Variants in RORA observed in about 807,000 individuals in gnomAD.
The protein encoded by RORA is nuclear receptor ROR-alpha.
Under a neutral mutation model 69.5 loss-of-function variants are expected in RORA, and 7 were observed. The observed-to-expected ratio is 0.10, with a 90% CI of 0.06 to 0.19. The LOEUF (loss-of-function observed/expected upper bound fraction) is 0.19, where lower values mean the gene tolerates loss of function less well. Among genes scored for constraint, RORA ranks in the 10% least tolerant of loss-of-function variants. The pLI is 1.00. For missense variants in RORA, 457 were observed against 663.0 expected, an observed-to-expected ratio of 0.69 and a Z score of 3.41; for synonymous variants, 261 against 240.8, an observed-to-expected ratio of 1.08 and a Z score of -0.78.
intron 1 of RORA, among the ~76,000 whole-genome samples, chr15:61,026,292 C>G (rs942430629): frequency 4.6e-5 from 7 of 152,300 alleles, no homozygotes; most frequent in Non-Finnish European, 4.4e-5. Context: ...AGCCCAACAG[C>G]GAACGAGTTC....
At chr15:60,690,466 C>G (rs2070806856) in intron 1 of RORA, among the ~76,000 whole-genome samples, 1 of 152,218 alleles carries the variant, frequency 6.6e-6, no homozygotes, top group Admixed American at 6.5e-5. Flanking sequence ...AGCACCCAGA[C>G]AGGACCTGTG....
intron 2 of RORA, among the ~76,000 whole-genome samples, chr15:60,579,909 GTTGTGT>G (rs879866973): frequency 4.4e-4 from 67 of 152,258 alleles, no homozygotes; most frequent in Admixed American, 9.8e-4. Context: ...TAGTAACACA[GTTGTGT>G]TTATTAGGTC....
chr15:60,809,964 C>T (rs2072719239), intron 1 of RORA, among the ~76,000 whole-genome samples: 1 of 152,122 alleles, frequency 6.6e-6, no homozygotes, highest in Non-Finnish European at 1.5e-5. Context: ...CTGACCTGCT[C>T]CAGTCTAGAT....
intron 2 of RORA, among the ~76,000 whole-genome samples, chr15:60,612,843 T>C (rs944473219): frequency 6.6e-6 from 1 of 152,160 alleles, no homozygotes; most frequent in African/African-American, 2.4e-5. Context: ...TCTGTGATTC[T>C]TGGGAAGGGT....
chr15:61,126,564 A>C (rs1480009126), intron 1 of RORA, among the ~76,000 whole-genome samples: 5 of 152,214 alleles, frequency 3.3e-5, no homozygotes, highest in African/African-American at 1.2e-4. Context: ...AGTATGAAAT[A>C]AGGAAACTAT....
intron 1 of RORA, among the ~76,000 whole-genome samples, chr15:60,825,349 C>T (rs1276041245): frequency 6.6e-6 from 1 of 152,128 alleles, no homozygotes; most frequent in African/African-American, 2.4e-5. Context: ...ATAGGCAGAG[C>T]AGTAGAAATG....
intron 1 of RORA, among the ~76,000 whole-genome samples, chr15:61,021,856 G>A (rs559012017): frequency 3.5e-4 from 54 of 152,288 alleles, no homozygotes; most frequent in Middle Eastern, 6.8e-3. Context: ...TAGCCTCCAG[G>A]AGAGTGCTTG....
chr15:60,591,984 CCCGGGTGCGGGCCCTGGGGA>C, intron 2 of RORA, among the ~76,000 whole-genome samples: 1 of 152,104 alleles, frequency 6.6e-6, no homozygotes, highest in South Asian at 2.1e-4. Flanking sequence ...CCGGAGCTGT[CCCGGGTGCGGGCCCTGGGGA>C]CCGGCCGCGG....
chr15:61,032,495 T>C (rs1896224915), intron 1 of RORA, among the ~76,000 whole-genome samples: 1 of 152,198 alleles, frequency 6.6e-6, no homozygotes, highest in East Asian at 1.9e-4. Context: ...AGAACTTCTA[T>C]ATTTGATCAA....
chr15:60,741,729 G>C (rs1041248747), intron 1 of RORA, among the ~76,000 whole-genome samples: 1 of 152,198 alleles, frequency 6.6e-6, no homozygotes, highest in Non-Finnish European at 1.5e-5. Context: ...AGTTGGTCAA[G>C]GAGGTGCAGC....
chr15:60,775,888 A>G (rs970050075), intron 1 of RORA, among the ~76,000 whole-genome samples: 3 of 152,152 alleles, frequency 2.0e-5, no homozygotes, highest in African/African-American at 7.2e-5. Flanking sequence ...TATGGAATAC[A>G]ATGCGGCAGG....
rs1223077929 is a variant in RORA, at chr15:60,798,709, A to T, written c.167-120023T>A. ...GTAGCGGGGAGGGGACACAGGCTTA[A>T]GTATCAGACAGATCCAGGTCTGAAA... On this transcript the variant is annotated intron_variant, in intron 1 of 10. Coordinates refer to ENST00000335670, the MANE Select transcript of RORA (RefSeq NM_134261.3). 2.0e-5 allele frequency among the ~76,000 whole-genome samples: 3 copies of T among 152,068 alleles called. No individual in the cohort carries two copies. In the South Asian group the frequency reaches 6.2e-4, roughly 32 times the overall value.
At chr15:61,168,277 G>A (rs2079555937) in intron 1 of RORA, among the ~76,000 whole-genome samples, 1 of 151,970 alleles carries the variant, frequency 6.6e-6, no homozygotes, top group Non-Finnish European at 1.5e-5. Context: ...TGTCCAGGCT[G>A]GAGTGCCGTG....
rs151082842 is a variant in RORA, at chr15:61,147,966, G to A, written c.166+81087C>T. Among the ~76,000 whole-genome samples, 1,663 of 151,318 alleles carry A rather than the reference G, an allele frequency of 0.011. 33 individuals carry two copies. The highest frequency in any genetic ancestry group is 0.039 in the African/African-American group (1,592 of 40,594). On this transcript the variant is annotated intron_variant, in intron 1 of 10. Transcript: ENST00000335670. This position sits in a 1 kb window ranked among gnomAD's most constrained non-coding sequence, Gnocchi z 4.1. ...TCAGGAAGGTTATGGAGAGCCACTA[G>A]GGGACTTGAAACAAAGGGTGACAGA...
Position 61,155,328 on chromosome 15 carries a change from AT to A in RORA, c.166+73724del, listed in dbSNP as rs564318894. 1.4e-4 allele frequency among the ~76,000 whole-genome samples: 21 copies of A among 152,360 alleles called. No individual in the cohort carries two copies. In the East Asian group the frequency reaches 2.1e-3, roughly 15 times the overall value. On this transcript the variant is annotated intron_variant, in intron 1 of 10. Transcript: ENST00000335670. ...CCATTAACCTTCAAATAAATACTAA[AT>A]AAATAAATTTAAGGTGATTTTCTAT...
intron 1 of RORA, among the ~76,000 whole-genome samples, chr15:60,818,307 A>C (rs552467723): frequency 1.3e-5 from 2 of 152,270 alleles, no homozygotes; most frequent in South Asian, 4.1e-4. Context: ...CTTAAATTTT[A>C]TTTTTCAGGA....
chr15:60,515,335 T>C (rs1042084318), intron 3 of RORA, among the ~76,000 whole-genome samples: 2 of 152,164 alleles, frequency 1.3e-5, no homozygotes, highest in African/African-American at 4.8e-5. Flanking sequence ...GCAGATCAGA[T>C]TGGGAATATT....
intron 1 of RORA, among the ~76,000 whole-genome samples, chr15:61,098,124 T>C (rs981121194): frequency 5.6e-4 from 54 of 96,356 alleles, no homozygotes; most frequent in Admixed American, 2.0e-3. Flanking sequence ...TCCTTCCTTC[T>C]CTCCCTCCCT....
intron 1 of RORA, among the ~76,000 whole-genome samples, chr15:60,828,578 G>C (rs1337440284): frequency 6.6e-6 from 1 of 152,168 alleles, no homozygotes; most frequent in African/African-American, 2.4e-5. Context: ...AGGGGAGAGT[G>C]CACCACTCTG....
Sources: allele counts gnomAD v4.1 joint callset (sites outside exome capture counted in the v4.1 genomes callset), GRCh38; gene constraint gnomAD v4.1.1; non-coding constraint Gnocchi (gnomAD v3.1); transcripts MANE v1.5; gene names NCBI Gene and HGNC (gene_info 2026-07-23, HGNC 2026-07-21).